The following PLEKHA8 variants were observed in gnomAD, a reference collection of about 807,000 sequenced individuals.
The protein encoded by PLEKHA8 is pleckstrin homology domain-containing family A member 8.
PLEKHA8 carries 36 observed loss-of-function variants against 68.2 expected under a neutral mutation model. The ratio of observed to expected loss-of-function variants is 0.53; its 90% CI spans 0.40 to 0.70. PLEKHA8 has a LOEUF of 0.70. Among genes scored for constraint, PLEKHA8 ranks in the 30% least tolerant of loss-of-function variants. PLEKHA8 has a pLI of 0.00. For missense variants in PLEKHA8, 505 were observed against 615.4 expected (o/e 0.82, Z 1.90); for synonymous variants, 211 against 216.1 (o/e 0.98, Z 0.20).
At chr7:30,097,236 C>G (rs940135529) in intron 13 of PLEKHA8, among the ~76,000 whole-genome samples, 1 of 152,214 alleles carries the variant, frequency 6.6e-6, no homozygotes, top group African/African-American at 2.4e-5. Context: ...GTATCCCGAT[C>G]TTTCTCTCTG....
downstream of PLEKHA8, among the ~76,000 whole-genome samples, chr7:30,086,859 C>T (rs1795203190): frequency 6.6e-6 from 1 of 152,172 alleles, no homozygotes; most frequent in African/African-American, 2.4e-5. Context: ...CATGGATTGA[C>T]ACACACATCC....
chr7:30,066,638 A>T (rs1024442297), intron 12 of PLEKHA8, among the ~76,000 whole-genome samples: 4 of 152,158 alleles, frequency 2.6e-5, no homozygotes, highest in Non-Finnish European at 5.9e-5. Flanking sequence ...TCCACATCAG[A>T]AAGAGGTTTT....
intron 13 of PLEKHA8, among the ~76,000 whole-genome samples, chr7:30,102,358 T>G (rs1299438758): frequency 1.3e-5 from 2 of 152,254 alleles, no homozygotes; most frequent in African/African-American, 4.8e-5. Context: ...GTGGAAGCAC[T>G]TTAACAGTTC....
chr7:30,029,737 TGA>T (rs1166516121), intron 1 of PLEKHA8, among the ~76,000 whole-genome samples: 1 of 152,196 alleles, frequency 6.6e-6, no homozygotes, highest in Non-Finnish European at 1.5e-5. Context: ...TTAGAGTGGG[TGA>T]GAGACGTTTT....
chr7:30,070,443 G>A (rs1040813276), intron 12 of PLEKHA8, among the ~76,000 whole-genome samples: 2 of 152,076 alleles, frequency 1.3e-5, no homozygotes, highest in Non-Finnish European at 2.9e-5. Flanking sequence ...TTTTAGAAGA[G>A]GGCATGGAAA....
At chr7:30,044,575 G>A (rs763659513) in intron 1 of PLEKHA8, among the ~76,000 whole-genome samples, 7 of 152,216 alleles carry the variant, frequency 4.6e-5, no homozygotes, top group Non-Finnish European at 1.0e-4. Flanking sequence ...ATTCTAGACA[G>A]GCTTCTTAGT....
chr7:30,114,301 A>G (rs1306575026), intron 13 of PLEKHA8, among the ~76,000 whole-genome samples: 1 of 152,246 alleles, frequency 6.6e-6, no homozygotes, highest in Non-Finnish European at 1.5e-5. Flanking sequence ...AATCCTTACA[A>G]TAACCCATTG....
At chr7:30,050,253 A>G (rs955220615) in intron 5 of PLEKHA8, among the ~76,000 whole-genome samples, 181 bp from the exon 6 acceptor site, 1 of 152,258 alleles carries the variant, frequency 6.6e-6, no homozygotes, top group African/African-American at 2.4e-5. Flanking sequence ...TGTATAAATA[A>G]GAAGGACTAG....
intron 12 of PLEKHA8, among the ~76,000 whole-genome samples, chr7:30,071,332 G>T (rs1419401265): frequency 6.6e-6 from 1 of 151,928 alleles, no homozygotes; most frequent in Non-Finnish European, 1.5e-5. Context: ...GCTCACCATC[G>T]CCCAGCATGC....
chr7:30,078,165 G>C (rs1794728739), intron 13 of PLEKHA8, among the ~76,000 whole-genome samples: 1 of 152,084 alleles, frequency 6.6e-6, no homozygotes, highest in African/African-American at 2.4e-5. Flanking sequence ...GAAATATATA[G>C]AGATGAGATA....
intron 10 of PLEKHA8, 129 bp from the exon 11 acceptor site, chr7:30,061,768 G>A (rs1387310188): frequency 1.1e-6 from 1 of 903,102 alleles, no homozygotes; most frequent in Non-Finnish European, 1.7e-6. Context: ...ACATAAGGAA[G>A]AAGGTAATAG....
chr7:30,040,586 C>T (rs1172689025), intron 1 of PLEKHA8, among the ~76,000 whole-genome samples: 1 of 152,148 alleles, frequency 6.6e-6, no homozygotes, highest in Non-Finnish European at 1.5e-5. Context: ...GCTGGTCACC[C>T]CCACCCAAAC....
chr7:30,115,150 A>G lies in PLEKHA8; in HGVS notation c.1363-14116A>G, dbSNP rs1467917190. On this transcript the variant is annotated intron_variant, in intron 13 of 13. Coordinates refer to the PLEKHA8 transcript ENST00000396257. ...TTCTCTGTTGCCAGTTCATTCATGC[A>G]TTTAAAATAATTTTTGCTGTATTTT... Among the ~76,000 whole-genome samples, 6 of 152,160 alleles carry G rather than the reference A, an allele frequency of 3.9e-5. No homozygotes were observed. The South Asian group carries it at 8.3e-4, about 21-fold the overall frequency.
Position 30,120,647 on chromosome 7 carries a change from A to G in PLEKHA8, c.1363-8619A>G, listed in dbSNP as rs1158021905. ...GAAGTGGAGAAATTGGAAAAAACAC[A>G]ACTAAGAACCAATTTTAAAGTCACC... On this transcript the variant is annotated intron_variant, in intron 13 of 13. Transcript: ENST00000396257. 2.0e-5 allele frequency among the ~76,000 whole-genome samples: 3 copies of G among 152,368 alleles called. No homozygotes were observed. The East Asian group carries it at 5.8e-4, about 29-fold the overall frequency.
chr7:30,055,243 A>C lies in PLEKHA8; in HGVS notation c.954-14A>C. 1 of 1,612,314 alleles carries C rather than the reference A, an allele frequency of 6.2e-7. No homozygotes were observed. The highest frequency in any genetic ancestry group is 8.5e-7 in the Non-Finnish European group (1 of 1,178,348). On this transcript the variant is annotated splice_polypyrimidine_tract_variant and intron_variant, in intron 8 of 13. Coordinates refer to ENST00000449726, the MANE Select transcript of PLEKHA8 (RefSeq NM_001197026.2). ...TTTTCAATCTTTTCTCCTCCATATC[A>C]CCAAATTATGTAGCTTTAGTGACAT...
At chr7:30,116,957 A>G (rs186903881) in intron 13 of PLEKHA8, among the ~76,000 whole-genome samples, 1 of 152,368 alleles carries the variant, frequency 6.6e-6, no homozygotes, top group Admixed American at 6.5e-5. Flanking sequence ...CCCGCCTTCC[A>G]AAAGCAGTTT....
chr7:30,049,650 C>G (rs1315119215), intron 5 of PLEKHA8, among the ~76,000 whole-genome samples: 1 of 152,208 alleles, frequency 6.6e-6, no homozygotes, highest in African/African-American at 2.4e-5. Context: ...AGTCTTCTAA[C>G]TATTAATAGT....
In PLEKHA8 at chr7:30,081,949, T is replaced by C. The variant is rs549547691; in HGVS notation, c.*3162T>C. The C allele has an allele frequency of 7.3e-6, 7 of 954,568 alleles. No homozygotes were observed. In the East Asian group the frequency reaches 8.1e-4, roughly 110 times the overall value. 59.1% of individuals were successfully genotyped at this position (954,568 alleles called of 1,614,324 possible). A position where few individuals can be genotyped will look rare whatever the true frequency, so the allele number is the denominator to read the frequency against. ...AGCAAGTCAGATTCCTTATAGCTAATGCTGGTGAAAAATGTTAAATTGGAG... is the reference window on the plus strand; with the variant it reads ...AGCAAGTCAGATTCCTTATAGCTAACGCTGGTGAAAAATGTTAAATTGGAG... On this transcript the variant is annotated 3_prime_UTR_variant, in exon 14 of 14. Coordinates refer to ENST00000449726, the MANE Select transcript of PLEKHA8 (RefSeq NM_001197026.2).
chr7:30,122,943 G>A (rs1191099411), intron 13 of PLEKHA8, among the ~76,000 whole-genome samples: 1 of 152,110 alleles, frequency 6.6e-6, no homozygotes. Context: ...CTAGTTCCTG[G>A]TTCTCAGCTA....
Sources: gnomAD v4.1 joint callset for allele counts (sites outside exome capture counted in the v4.1 genomes callset) on GRCh38, gnomAD v4.1.1 for gene constraint, MANE v1.5 for transcripts, NCBI Gene and HGNC (gene_info 2026-07-23, HGNC 2026-07-21) for gene names.